The following CLIP4 variants were observed in gnomAD, a reference collection of about 807,000 sequenced individuals.
CLIP4 encodes the protein CAP-Gly domain containing linker protein family member 4.
In CLIP4, 47 loss-of-function variants were observed where a neutral mutation model predicts 73.1. The observed-to-expected ratio is 0.64, with a 90% CI of 0.51 to 0.82. CLIP4 has a LOEUF of 0.82. Ranked by LOEUF, CLIP4 falls within the 40% of genes least tolerant of loss-of-function variation. The pLI, the probability that CLIP4 is intolerant of heterozygous loss-of-function variation, is 0.00. For missense variants in CLIP4, 874 were observed against 852.9 expected (o/e 1.02, Z -0.31); for synonymous variants, 306 against 295.4 (o/e 1.04, Z -0.37).
intron 1 of CLIP4, among the ~76,000 whole-genome samples, chr2:29,120,572 C>T (rs1664186716): frequency 1.3e-5 from 2 of 152,052 alleles, no homozygotes; most frequent in African/African-American, 4.8e-5. Flanking sequence ...ATTTTAAAAA[C>T]AGGAATTCAT....
chr2:29,150,639 T>A (rs1424316627), intron 8 of CLIP4, among the ~76,000 whole-genome samples: 4 of 141,402 alleles, frequency 2.8e-5, no homozygotes, highest in Admixed American at 7.9e-5. Context: ...TTTTTTGATT[T>A]GCTCTTTTTT....
chr2:29,183,152 CCTGT>C lies in CLIP4; in HGVS notation c.*1264_*1267del, dbSNP rs1050818575. On this transcript the variant is annotated 3_prime_UTR_variant, in exon 16 of 16. Transcript: ENST00000320081. The stretch of plus-strand genomic sequence containing the variant: ...TGTGGTTAGGTATTGAAGTTTATGT[CCTGT>C]CTGTGTAAAGATTCATCTTTTATTG... The C allele has an allele frequency of 5.2e-5, 8 of 152,536 alleles. No individual in the cohort carries two copies. The highest frequency in any genetic ancestry group is 1.9e-4 in the African/African-American group (8 of 41,398). 9.4% of individuals were successfully genotyped at this position (152,536 alleles called of 1,614,324 possible). A position where few individuals can be genotyped will look rare whatever the true frequency, so the allele number is the denominator to read the frequency against.
rs377219431 is a variant in CLIP4 at position 29,099,442 on chromosome 2, G to T, written c.-16+1495G>T. On this transcript the variant is annotated intron_variant, in intron 1 of 14. Transcript: ENST00000401605. ...TATGTGGTTGTCCAGTTGTTCTAGG[G>T]CCATTTATTTAAAAGACTATCCTTT... is the stretch of plus-strand genomic sequence containing the variant. 3.9e-5 allele frequency among the ~76,000 whole-genome samples: 6 copies of T among 152,262 alleles called. No individual in the cohort carries two copies. In the East Asian group the frequency reaches 1.2e-3, roughly 29 times the overall value.
At chr2:29,159,974 T>C (rs1294684094) in intron 11 of CLIP4, among the ~76,000 whole-genome samples, 1 of 152,052 alleles carries the variant, frequency 6.6e-6, no homozygotes. Flanking sequence ...CCTAACATAT[T>C]TACTGTCCAG....
rs775334422 is a variant in CLIP4 at position 29,131,346 on chromosome 2, G to A, written c.222G>A (p.Leu74=). ...CAGTTTCAGAATTATTTGCCATTTT[G>A]AGACAGTGGGTTCCTCAGGTCCAAC... ...KTSVSELFAI[L]RQWVPQVQQN... The change falls in exon 3 of 16, where the codon TTG becomes TTA. Residue 74 remains leucine, a synonymous_variant. Coordinates refer to ENST00000320081, the MANE Select transcript of CLIP4 (RefSeq NM_024692.6). 2 of 1,610,114 alleles carry A rather than the reference G, an allele frequency of 1.2e-6. No homozygotes were observed. Among genetic ancestry groups the A allele is most frequent in the East Asian group, 4.5e-5 (2 of 44,592 alleles).
At chr2:29,121,641 G>C (rs1664255166) in intron 2 of CLIP4, 120 bp downstream of exon 2, 1 of 1,191,550 alleles carries the variant, frequency 8.4e-7, no homozygotes, top group Admixed American at 2.6e-5. Context: ...AATTGCTAAA[G>C]TTTTCCTTTT....
intron 1 of CLIP4, among the ~76,000 whole-genome samples, chr2:29,106,221 T>C (rs536044130): frequency 2.6e-5 from 4 of 152,314 alleles, no homozygotes; most frequent in African/African-American, 9.6e-5. Flanking sequence ...CTTATAGAAG[T>C]CAAATAATGG....
intron 1 of CLIP4, among the ~76,000 whole-genome samples, chr2:29,098,701 G>A (rs979594792): frequency 3.3e-5 from 5 of 152,190 alleles, no homozygotes; most frequent in Admixed American, 3.3e-4. Flanking sequence ...GTGGACATAA[G>A]TTTTCATATC....
intron 4 of CLIP4, among the ~76,000 whole-genome samples, chr2:29,133,158 A>G (rs1665100023): frequency 6.6e-6 from 1 of 152,194 alleles, no homozygotes. Flanking sequence ...ACTACACTGC[A>G]ATCTGGGTGA....
chr2:29,160,258 T>A, intron 11 of CLIP4, 75 bp from the exon 12 acceptor site: 1 of 1,600,878 alleles, frequency 6.2e-7, no homozygotes, highest in Non-Finnish European at 8.5e-7. Context: ...GCTAATGTGC[T>A]TTTTGAGTTT....
At chr2:29,155,105 A>G (rs1014972574) in intron 9 of CLIP4, among the ~76,000 whole-genome samples, 1 of 152,186 alleles carries the variant, frequency 6.6e-6, no homozygotes, top group Admixed American at 6.5e-5. Context: ...CAATGAACAC[A>G]TAAAGATTTT....
At chr2:29,157,851 G>T (rs761158380) in intron 11 of CLIP4, among the ~76,000 whole-genome samples, 12 of 152,176 alleles carry the variant, frequency 7.9e-5, no homozygotes, top group Non-Finnish European at 1.5e-4. Flanking sequence ...TTTTCGAAAT[G>T]ACATAGATTT....
chr2:29,166,259 T>A (rs1667608324), intron 13 of CLIP4, among the ~76,000 whole-genome samples: 2 of 152,130 alleles, frequency 1.3e-5, no homozygotes, highest in Non-Finnish European at 2.9e-5. Context: ...AATAAGGTAG[T>A]GTCCAGTCAC....
intron 2 of CLIP4, chr2:29,130,158 G>A: frequency 2.2e-6 from 1 of 446,558 alleles, no homozygotes; most frequent in Non-Finnish European, 4.8e-6. Context: ...TGAGAGAGCA[G>A]CCAGTGCTGC....
intron 14 of CLIP4, among the ~76,000 whole-genome samples, chr2:29,168,483 C>T (rs1328178535): frequency 7.5e-6 from 1 of 133,980 alleles, no homozygotes; most frequent in Non-Finnish European, 1.6e-5. Context: ...TTTTTGTAGT[C>T]AAAATAGCAA....
Position 29,181,134 on chromosome 2 carries a change from T to C in CLIP4, c.1797-438T>C, listed in dbSNP as rs913140858. On this transcript the variant is annotated intron_variant, in intron 15 of 15. Transcript: ENST00000320081. ...AACATAAACAGCTGATTAATACATA[T>C]TTTGTATGTTACATATAGTATGTAC... Among the ~76,000 whole-genome samples, 9 of 152,140 alleles carry C rather than the reference T, an allele frequency of 5.9e-5. No individual in the cohort carries two copies. In the South Asian group the frequency reaches 1.2e-3, roughly 21 times the overall value.
intron 1 of CLIP4, among the ~76,000 whole-genome samples, chr2:29,120,901 TAA>T (rs1664205875): frequency 6.6e-6 from 1 of 152,172 alleles, no homozygotes; most frequent in Non-Finnish European, 1.5e-5. Context: ...TAATTTTCAG[TAA>T]AGTTTTCTGG....
At chr2:29,169,061 C>T (rs765410581) in intron 14 of CLIP4, among the ~76,000 whole-genome samples, 14 of 151,544 alleles carry the variant, frequency 9.2e-5, no homozygotes, top group Non-Finnish European at 1.8e-4. Flanking sequence ...TATGGCCCAC[C>T]CTAATAGGTG....
intron 12 of CLIP4, among the ~76,000 whole-genome samples, chr2:29,160,710 C>T (rs1667231829): frequency 6.6e-6 from 1 of 152,120 alleles, no homozygotes; most frequent in South Asian, 2.1e-4. Context: ...AATTAGTTGT[C>T]ATTCTCCAAT....
Sources: gnomAD v4.1 joint callset for allele counts (sites outside exome capture counted in the v4.1 genomes callset) on GRCh38, gnomAD v4.1.1 for gene constraint, MANE v1.5 for transcripts, NCBI Gene and HGNC (gene_info 2026-07-23, HGNC 2026-07-21) for gene names.